CSMD1: variants seen among roughly 807,000 people sequenced by gnomAD.
CSMD1 encodes the protein CUB and Sushi multiple domains 1.
CSMD1 carries 213 observed loss-of-function variants against 417.5 expected under a neutral mutation model. The ratio of observed to expected loss-of-function variants is 0.51; its 90% CI spans 0.46 to 0.57. The LOEUF (loss-of-function observed/expected upper bound fraction) is 0.57. CSMD1 is among the 20% of genes least tolerant of loss of function. The pLI, the probability that CSMD1 is intolerant of heterozygous loss-of-function variation, is 0.00. For missense variants in CSMD1, 6,923 were observed against 4,529.7 expected, an observed-to-expected ratio of 1.53 and a Z score of -15.17; for synonymous variants, 2,862 against 1,736.8, an observed-to-expected ratio of 1.65 and a Z score of -16.11.
intron 3 of CSMD1, among the ~76,000 whole-genome samples, chr8:4,126,665 G>C (rs1471490460): frequency 6.6e-6 from 1 of 152,122 alleles, no homozygotes; most frequent in South Asian, 2.1e-4. Context: ...CTCCTTATTA[G>C]ATTCTGAGGG....
chr8:4,312,427 A>ATATATATGCGTATATATATATG (rs1798674285), intron 3 of CSMD1, among the ~76,000 whole-genome samples: 2 of 138,904 alleles, frequency 1.4e-5, no homozygotes, highest in Admixed American at 6.9e-5. Context: ...ATATGCGCGT[A>ATATATATGCGTATATATATATG]TATATATATG....
chr8:4,083,840 T>C (rs1369321378), intron 3 of CSMD1, among the ~76,000 whole-genome samples: 5 of 152,110 alleles, frequency 3.3e-5, no homozygotes, highest in South Asian at 4.2e-4. Context: ...AATTGACAAA[T>C]GGGATCTAAT....
chr8:2,967,074 G>T (rs1804034042), intron 57 of CSMD1, among the ~76,000 whole-genome samples: 2 of 152,134 alleles, frequency 1.3e-5, no homozygotes, highest in South Asian at 2.1e-4. Flanking sequence ...GCTATTTGGG[G>T]ATTGAATGTT....
intron 1 of CSMD1, among the ~76,000 whole-genome samples, chr8:4,933,544 C>T (rs8181031): frequency 0.5 from 75,922 of 151,982 alleles, 21,061 homozygotes; most frequent in Non-Finnish European, 0.63. Context: ...AAAATACTTT[C>T]GAAAAGTAGC....
intron 2 of CSMD1, among the ~76,000 whole-genome samples, chr8:4,557,265 G>C (rs1014770033): frequency 3.3e-5 from 5 of 152,108 alleles, no homozygotes; most frequent in African/African-American, 1.2e-4. Flanking sequence ...GCTCTTACAA[G>C]CTAAAGGCAT....
chr8:4,766,548 G>C (rs1387601419), intron 1 of CSMD1, among the ~76,000 whole-genome samples: 4 of 152,222 alleles, frequency 2.6e-5, no homozygotes, highest in Non-Finnish European at 5.9e-5. Flanking sequence ...GGATAATTGA[G>C]AAATATGCTT....
intron 5 of CSMD1, among the ~76,000 whole-genome samples, chr8:3,895,695 T>C (rs1418069628): frequency 6.6e-6 from 1 of 152,244 alleles, no homozygotes; most frequent in Non-Finnish European, 1.5e-5. Flanking sequence ...TATTTGTATT[T>C]AGTTCCTAAC....
At chr8:3,070,105 C>G (rs1193089984) in intron 49 of CSMD1, among the ~76,000 whole-genome samples, 1 of 152,164 alleles carries the variant, frequency 6.6e-6, no homozygotes, top group East Asian at 1.9e-4. Context: ...GGCCGTAGGG[C>G]CCTGGGCCTG....
intron 1 of CSMD1, among the ~76,000 whole-genome samples, chr8:4,764,504 CAAGGAATGGAATTCTTCAAATTA>C: frequency 6.6e-6 from 1 of 152,022 alleles, no homozygotes; most frequent in East Asian, 1.9e-4. Flanking sequence ...ATTAGTATTC[CAAGGAATGGAATTCTTCAAATTA>C]AGTGTTCTGC....
At chr8:3,619,678 AAGAG>A (rs1281241202) in intron 7 of CSMD1, among the ~76,000 whole-genome samples, 1 of 151,684 alleles carries the variant, frequency 6.6e-6, no homozygotes, top group Non-Finnish European at 1.5e-5. Context: ...GCCAAAGAAA[AAGAG>A]AGAATCTTAA....
chr8:3,100,798 T>A (rs893327048), intron 46 of CSMD1, among the ~76,000 whole-genome samples: 1 of 152,198 alleles, frequency 6.6e-6, no homozygotes, highest in African/African-American at 2.4e-5. Flanking sequence ...ATTAATAGCA[T>A]AAATTGGGAT....
intron 3 of CSMD1, among the ~76,000 whole-genome samples, chr8:4,300,401 A>T (rs1797916406): frequency 6.6e-6 from 1 of 152,198 alleles, no homozygotes; most frequent in Non-Finnish European, 1.5e-5. Context: ...CAACCTCAAG[A>T]CACTTTTGTA....
At chr8:4,348,187 T>C (rs761525510) in intron 3 of CSMD1, among the ~76,000 whole-genome samples, 6 of 152,186 alleles carry the variant, frequency 3.9e-5, no homozygotes, top group Non-Finnish European at 7.3e-5. Flanking sequence ...TCTCTGGATA[T>C]GGCATTGTGC....
chr8:3,214,561 G>A lies in CSMD1; in HGVS notation c.4803C>T (p.Ser1601=), dbSNP rs779065760. The A allele has an allele frequency of 8.2e-6, 13 of 1,592,092 alleles. No homozygotes were observed. The highest frequency in any genetic ancestry group is 1.0e-5 in the Non-Finnish European group (12 of 1,168,942). The change falls in exon 30 of 70, where the codon TCC becomes TCT. Residue 1601 remains serine, a synonymous_variant. Coordinates refer to ENST00000635120, the MANE Select transcript of CSMD1 (RefSeq NM_033225.6). ...DSGYKILDPS[S]ITCVIGADGK... is the part of the protein sequence containing the mutation. The stretch of plus-strand genomic sequence containing the variant: ...CATCAGCCCCAATCACACAGGTGAT[G>A]GATGAGGGGTCAAGAATCTTATAGC...
chr8:3,170,295 C>A (rs1230553483), intron 37 of CSMD1, among the ~76,000 whole-genome samples: 1 of 152,144 alleles, frequency 6.6e-6, no homozygotes. Flanking sequence ...GCAAGCTCCG[C>A]CTCCCGGGTT....
At chr8:3,477,061 T>G (rs1480152715) in intron 11 of CSMD1, among the ~76,000 whole-genome samples, 1 of 152,218 alleles carries the variant, frequency 6.6e-6, no homozygotes, top group East Asian at 1.9e-4. Context: ...GATCTATACA[T>G]GTATTTACAG....
intron 1 of CSMD1, among the ~76,000 whole-genome samples, chr8:4,972,811 A>G (rs755737545): frequency 6.6e-6 from 1 of 152,152 alleles, no homozygotes; most frequent in Non-Finnish European, 1.5e-5. Flanking sequence ...TTGTCTTGTT[A>G]ATTGCTCTAT....
chr8:3,823,082 A>T (rs1189516521), intron 5 of CSMD1, among the ~76,000 whole-genome samples: 1 of 152,178 alleles, frequency 6.6e-6, no homozygotes, highest in Non-Finnish European at 1.5e-5. Flanking sequence ...AAGAGGAATA[A>T]ATTACCTGGG....
At position 4,491,929 on chromosome 8, in the gene CSMD1, G is replaced by C. The variant is rs550613234; in HGVS notation, c.303-71864C>G. On this transcript the variant is annotated intron_variant, in intron 2 of 69. Transcript: ENST00000635120. Reference sequence around the variant, plus strand: ...ACAAAATCTTTACAAAATATTTATAGCAGCTTTATTCATAATTGCCAAAAA... The same window carrying C: ...ACAAAATCTTTACAAAATATTTATACCAGCTTTATTCATAATTGCCAAAAA... 3.3e-5 allele frequency among the ~76,000 whole-genome samples: 5 copies of C among 152,012 alleles called. No homozygotes were observed. The South Asian group carries it at 1.0e-3, about 32-fold the overall frequency.
Sources: gnomAD v4.1 joint callset for allele counts (sites outside exome capture counted in the v4.1 genomes callset) on GRCh38, gnomAD v4.1.1 for gene constraint, MANE v1.5 for transcripts, NCBI Gene and HGNC (gene_info 2026-07-23, HGNC 2026-07-21) for gene names.